Variants in TDRD9 observed in about 807,000 individuals in gnomAD.
TDRD9 encodes the protein ATP-dependent RNA helicase TDRD9.
In TDRD9, 124 loss-of-function variants were observed where a neutral mutation model predicts 172.6. The ratio of observed to expected loss-of-function variants is 0.72; its 90% confidence interval spans 0.62 to 0.83. TDRD9 has a LOEUF of 0.83. TDRD9 is among the 40% of genes least tolerant of loss of function. The probability of loss-of-function intolerance (pLI) is 0.00; values close to 1 mark genes in which losing one functional copy is unlikely to be tolerated. For synonymous variants in TDRD9, 619 were observed against 617.1 expected (o/e 1.00, Z -0.05); for missense variants, 1,479 against 1,714.1 (o/e 0.86, Z 2.42).
chr14:104,025,778 T>G lies in TDRD9; in HGVS notation c.2931+2T>G. ...TATGTTTCTGGAAATTCTGCTGAGG[T>G]AGGTTTTTCTGTAACAAGTCACTGG... is the stretch of plus-strand genomic sequence containing the variant. On this transcript the variant is annotated splice_donor_variant, in intron 26 of 35. Transcript: ENST00000409874. LOFTEE classifies it high-confidence loss of function. The G allele has an allele frequency of 1.9e-6, 3 of 1,610,732 alleles. No individual in the cohort carries two copies. Among genetic ancestry groups the G allele is most frequent in the Non-Finnish European group, 2.5e-6 (3 of 1,177,222 alleles).
At chr14:104,035,194 G>A in intron 32 of TDRD9, 138 bp downstream of exon 32, 3 of 634,740 alleles carry the variant, frequency 4.7e-6, no homozygotes, top group East Asian at 2.8e-5. Context: ...TTGGGGTGAA[G>A]CCTGTATTGT....
intron 20 of TDRD9, among the ~76,000 whole-genome samples, chr14:104,012,560 T>A (rs1269522427): frequency 2.6e-5 from 4 of 151,962 alleles, no homozygotes; most frequent in African/African-American, 9.7e-5. Context: ...ACTTTTAGTT[T>A]ACTTCAGTCT....
intron 13 of TDRD9, among the ~76,000 whole-genome samples, chr14:103,999,284 T>C (rs921334803): frequency 2.0e-5 from 3 of 152,334 alleles, no homozygotes; most frequent in East Asian, 1.9e-4. Context: ...CCTGACACTA[T>C]GTTTTTTTCT....
In TDRD9 at chr14:104,006,506, A is replaced by G. The variant is rs1013452829; in HGVS notation, c.1831A>G (p.Ile611Val). The G allele has an allele frequency of 1.9e-6, 3 of 1,613,674 alleles. No individual in the cohort carries two copies. Among genetic ancestry groups the G allele is most frequent in the Non-Finnish European group, 2.5e-6 (3 of 1,179,566 alleles). ...LPVNQQLGKL[I>V]VLGHVFGCLD... ...TGTAAATCAGCAACTTGGTAAACTC[A>G]TAGTCCTTGGACATGTATTTGGATG... Residue 611 changes from isoleucine (I) to valine (V), a missense_variant, in exon 16 of 36, where the codon ATA becomes GTA. Ile to Val is a conservative substitution (Grantham distance 29, BLOSUM62 3). Around this residue, in one of 3 missense-constraint regions of TDRD9, gnomAD observed 1,413 missense variants for 1,649.1 expected, o/e 0.86. Transcript: ENST00000409874.
intron 8 of TDRD9, 112 bp downstream of exon 8, chr14:103,986,432 TTAG>T (rs898266348): frequency 9.6e-6 from 7 of 727,378 alleles, no homozygotes; most frequent in African/African-American, 3.6e-5. Flanking sequence ...AGGTACTTTT[TTAG>T]TAGTTACTGT....
Position 104,034,067 on chromosome 14 carries a change from C to T in TDRD9, c.3617C>T (p.Thr1206Ile). 1 of 1,543,612 alleles carries T rather than the reference C, an allele frequency of 6.5e-7. No homozygotes were observed. The highest frequency in any genetic ancestry group is 8.8e-7 in the Non-Finnish European group (1 of 1,139,816). The change falls in exon 31 of 36, where the codon ACT (threonine) becomes ATT (isoleucine). Residue 1206 changes from threonine to isoleucine, a missense_variant and splice_region_variant. Around this residue, in one of 3 missense-constraint regions of TDRD9, gnomAD observed 1,413 missense variants for 1,649.1 expected, o/e 0.86. Coordinates refer to ENST00000409874, the MANE Select transcript of TDRD9 (RefSeq NM_153046.3). ...LVAASLSINA[T>I]GSTMLLRETS... ...GCAGCTTCCCTTTCCATCAATGCGACTGGTAATTTAAAGATCCTGTTTATT... is the reference window on the plus strand; with the variant it reads ...GCAGCTTCCCTTTCCATCAATGCGATTGGTAATTTAAAGATCCTGTTTATT...
Position 104,025,723 on chromosome 14 carries a change from A to G in TDRD9, c.2878A>G (p.Lys960Glu). ...TCTGGCACCTTTTGCTGATTTTGATAAACAACGCTACTTTAGAGCTCAAGT... is the reference window on the plus strand; with the variant it reads ...TCTGGCACCTTTTGCTGATTTTGATGAACAACGCTACTTTAGAGCTCAAGT... ...VCLAPFADFDKQRYFRAQVLY... is the reference protein window; with the variant it reads ...VCLAPFADFDEQRYFRAQVLY... Residue 960 changes from lysine (K) to glutamate (E), a missense_variant, in exon 26 of 36, where the codon AAA (lysine) becomes GAA (glutamate). Around this residue, in one of 3 missense-constraint regions of TDRD9, gnomAD observed 1,413 missense variants for 1,649.1 expected, o/e 0.86. Coordinates refer to ENST00000409874, the MANE Select transcript of TDRD9 (RefSeq NM_153046.3). 6.2e-7 allele frequency: 1 copy of G among 1,614,056 alleles called. No homozygotes were observed. The highest frequency in any genetic ancestry group is 8.5e-7 in the Non-Finnish European group (1 of 1,179,904).
intron 1 of TDRD9, chr14:103,939,747 T>TTTTTTTTTTTG (rs2031086962): frequency 1.9e-5 from 2 of 103,430 alleles, no homozygotes. Context: ...AAAAGTGTTT[T>TTTTTTTTTTTG]TTTTTTTTTT....
intron 1 of TDRD9, chr14:103,940,584 T>C (rs949913544): frequency 4.7e-6 from 2 of 426,100 alleles, no homozygotes; most frequent in Non-Finnish European, 8.3e-6. Context: ...CTGCAAACAT[T>C]TTTTCAAAAT....
At chr14:103,979,312 T>G (rs1382492143) in intron 7 of TDRD9, among the ~76,000 whole-genome samples, 2 of 152,354 alleles carry the variant, frequency 1.3e-5, no homozygotes, top group East Asian at 3.8e-4. Context: ...TTCCATATCT[T>G]GGCTATTGTG....
intron 1 of TDRD9, chr14:103,939,743 G>GTTTTTTTTTTTTTTTTTTTTTTTTTT (rs371934680): frequency 1.7e-4 from 3 of 17,446 alleles, no homozygotes; most frequent in Non-Finnish European, 2.4e-4. Context: ...GAAAAAAAGT[G>GTTTTTTTTTTTTTTTTTTTTTTTTTT]TTTTTTTTTT....
At chr14:104,041,254 G>A (rs921496321) in intron 33 of TDRD9, among the ~76,000 whole-genome samples, 4 of 152,098 alleles carry the variant, frequency 2.6e-5, no homozygotes, top group African/African-American at 9.7e-5. Context: ...AGACCTAATG[G>A]GAAAATGTAA....
At position 104,049,120 on chromosome 14, in the gene TDRD9, ATGTG is replaced by A. The variant is rs368678111; in HGVS notation, c.3975-464_3975-461del. Among the ~76,000 whole-genome samples the A allele has an allele frequency of 2.8e-3, 285 of 101,980 alleles. 2 individuals carry two copies. Among genetic ancestry groups the A allele is most frequent in the African/African-American group, 9.0e-3 (257 of 28,450 alleles). The allele number at this position is 101,980 out of a possible 152,430, so 66.9% of individuals were successfully genotyped here. A position where few individuals can be genotyped will look rare whatever the true frequency, so the allele number is the denominator to read the frequency against. ...TTGGTATGTATGTATGTATGTATGT[ATGTG>A]TGTGTGTGTGTGTGTGTGTGTGTAT... On this transcript the variant is annotated intron_variant, in intron 34 of 35. Transcript: ENST00000409874.
intron 12 of TDRD9, among the ~76,000 whole-genome samples, chr14:103,996,720 CT>C: frequency 6.6e-6 from 1 of 152,126 alleles, no homozygotes; most frequent in Non-Finnish European, 1.5e-5. Flanking sequence ...GACAAAAAGC[CT>C]TTGTTCTCAT....
At chr14:103,989,973 A>G (rs929053495) in intron 8 of TDRD9, among the ~76,000 whole-genome samples, 4 of 152,194 alleles carry the variant, frequency 2.6e-5, no homozygotes, top group Admixed American at 2.0e-4. Context: ...TGCCATTTCC[A>G]CATCCCTGAC....
intron 25 of TDRD9, among the ~76,000 whole-genome samples, chr14:104,025,116 G>C (rs2035074882): frequency 1.3e-5 from 2 of 152,134 alleles, no homozygotes; most frequent in African/African-American, 4.8e-5. Flanking sequence ...TGAGTAGCTG[G>C]GATTACAGGT....
chr14:104,040,474 C>T (rs2035582356), intron 33 of TDRD9, 140 bp downstream of exon 33: 6 of 932,276 alleles, frequency 6.4e-6, no homozygotes, highest in Non-Finnish European at 8.8e-6. Context: ...GTTCCTTGTC[C>T]CTCCTGGAGT....
At chr14:104,044,492 G>A (rs2035707273) in intron 34 of TDRD9, among the ~76,000 whole-genome samples, 1 of 152,098 alleles carries the variant, frequency 6.6e-6, no homozygotes, top group Non-Finnish European at 1.5e-5. Flanking sequence ...CCCAGCCCAG[G>A]TACCACTGAT....
chr14:103,978,914 G>T (rs915175768), intron 7 of TDRD9, among the ~76,000 whole-genome samples: 2 of 152,160 alleles, frequency 1.3e-5, no homozygotes, highest in African/African-American at 4.8e-5. Context: ...TTTTGTGTGT[G>T]TGTTGGGAAC....
Sources: allele counts gnomAD v4.1 joint callset (sites outside exome capture counted in the v4.1 genomes callset), GRCh38; gene constraint gnomAD v4.1.1; regional missense constraint gnomAD v4.1.1; transcripts MANE v1.5; gene names NCBI Gene and HGNC (gene_info 2026-07-23, HGNC 2026-07-21).